The following KLB variants were observed in gnomAD, a reference collection of about 807,000 sequenced individuals.
KLB encodes beta-klotho.
Under a neutral mutation model 88.4 loss-of-function variants are expected in KLB, and 44 were observed. That is an observed-to-expected ratio of 0.50 (90% CI 0.39 to 0.64). KLB has a LOEUF of 0.64. KLB is among the 30% of genes least tolerant of loss of function. KLB has a pLI of 0.00. For synonymous variants in KLB, 548 were observed against 513.4 expected (o/e 1.07, Z -0.91); for missense variants, 1,137 against 1,304.8 (o/e 0.87, Z 1.98).
chr4:39,422,459 C>T (rs1356423908), intron 1 of KLB, among the ~76,000 whole-genome samples: 1 of 152,142 alleles, frequency 6.6e-6, no homozygotes, highest in African/African-American at 2.4e-5. Context: ...CCTCTCCACC[C>T]CCTGGTTTCC....
chr4:39,444,664 C>G (rs1033750253), intron 3 of KLB, among the ~76,000 whole-genome samples: 13 of 152,190 alleles, frequency 8.5e-5, no homozygotes, highest in African/African-American at 3.1e-4. Flanking sequence ...TTGATCTTGC[C>G]TTGCCCCATA....
At chr4:39,423,616 T>TG in intron 1 of KLB, among the ~76,000 whole-genome samples, 1 of 151,812 alleles carries the variant, frequency 6.6e-6, no homozygotes. Context: ...AGACTTGTCT[T>TG]GCAGAAGCTG....
chr4:39,448,553 G>A lies in KLB; in HGVS notation c.3002G>A (p.Gly1001Asp), dbSNP rs774516529. ...LVQKKPLIFLGCCFFSTLVLL... is the reference protein window; with the variant it reads ...LVQKKPLIFLDCCFFSTLVLL... ...CAGAAGAAACCACTGATATTCCTGG[G>A]TTGTTGCTTCTTCTCCACCCTGGTT... The change falls in exon 5 of 5, where the codon GGT becomes GAT. Residue 1001 changes from glycine (G) to aspartate (D), a missense_variant. Physicochemically the swap from Gly to Asp is moderately conservative, Grantham distance 94. This residue lies in a region of KLB where 426 missense variants were observed against 404.6 expected (regional missense o/e 1.05). Coordinates refer to ENST00000257408, the MANE Select transcript of KLB (RefSeq NM_175737.4). 11 of 1,614,086 alleles carry A rather than the reference G, an allele frequency of 6.8e-6. No homozygotes were observed. Among genetic ancestry groups the A allele is most frequent in the Non-Finnish European group, 8.5e-6 (10 of 1,180,050 alleles).
intron 1 of KLB, among the ~76,000 whole-genome samples, chr4:39,416,680 G>A (rs1742970649): frequency 7.6e-6 from 1 of 131,708 alleles, no homozygotes; most frequent in African/African-American, 2.4e-5. Flanking sequence ...CCGCTACTGG[G>A]GAGGCTGAGG....
At chr4:39,408,587 A>G (rs1742776104) in intron 1 of KLB, among the ~76,000 whole-genome samples, 1 of 152,168 alleles carries the variant, frequency 6.6e-6, no homozygotes, top group African/African-American at 2.4e-5. Flanking sequence ...TATTCTTCCC[A>G]TTTAAAAGAT....
intron 1 of KLB, among the ~76,000 whole-genome samples, chr4:39,432,103 A>G (rs1032559065): frequency 6.6e-6 from 1 of 152,196 alleles, no homozygotes; most frequent in Non-Finnish European, 1.5e-5. Context: ...CCTGGCCAAC[A>G]TGGTGGAGCC....
At chr4:39,441,299 G>C (rs1244035893) in intron 3 of KLB, among the ~76,000 whole-genome samples, 1 of 152,162 alleles carries the variant, frequency 6.6e-6, no homozygotes, top group African/African-American at 2.4e-5. Context: ...ACATGGCAGA[G>C]GCAGAAGAGT....
chr4:39,414,818 A>G (rs748576683), intron 1 of KLB, among the ~76,000 whole-genome samples: 193 of 150,146 alleles, frequency 1.3e-3, no homozygotes, highest in Middle Eastern at 3.4e-3. Context: ...GCAGTGAGCC[A>G]AGATCATGCC....
rs201778716 is a variant in KLB at position 39,445,691 on chromosome 4, T to TG, written c.1606-641_1606-640insG. On this transcript the variant is annotated intron_variant, in intron 3 of 4. Coordinates refer to ENST00000257408, the MANE Select transcript of KLB (RefSeq NM_175737.4). ...GGCTAATCTTGTTTTTTTGTTTTTTTTTTTTTTTTTAGTAGAGACGGTGTT... is the reference window on the plus strand; with the variant it reads ...GGCTAATCTTGTTTTTTTGTTTTTTTGTTTTTTTTTTAGTAGAGACGGTGTT... Among the ~76,000 whole-genome samples, 1,086 of 150,852 alleles carry TG rather than the reference T, an allele frequency of 7.2e-3. 15 individuals are homozygous for TG. Among genetic ancestry groups the TG allele is most frequent in the African/African-American group, 0.025 (1,020 of 41,156 alleles).
At chr4:39,409,552 G>A (rs1742795956) in intron 1 of KLB, among the ~76,000 whole-genome samples, 1 of 150,994 alleles carries the variant, frequency 6.6e-6, no homozygotes, top group Non-Finnish European at 1.5e-5. Flanking sequence ...GCCTCCCAAA[G>A]TGCTGGGATT....
At chr4:39,419,773 CAA>C (rs35079093) in intron 1 of KLB, among the ~76,000 whole-genome samples, 8 of 71,242 alleles carry the variant, frequency 1.1e-4, no homozygotes, top group African/African-American at 1.1e-4. Context: ...AATTCCATCT[CAA>C]AAAAAAAAAA....
chr4:39,441,432 T>C (rs1441365613), intron 3 of KLB, among the ~76,000 whole-genome samples: 1 of 152,092 alleles, frequency 6.6e-6, no homozygotes, highest in Non-Finnish European at 1.5e-5. Flanking sequence ...GATATAAGAG[T>C]TTCTTTGCCT....
intron 1 of KLB, among the ~76,000 whole-genome samples, chr4:39,416,813 C>A (rs1467611648): frequency 6.6e-6 from 1 of 151,968 alleles, no homozygotes; most frequent in Non-Finnish European, 1.5e-5. Context: ...CAAAAACAGC[C>A]GTGAAAATGC....
intron 1 of KLB, among the ~76,000 whole-genome samples, chr4:39,409,295 C>CT (rs59119086): frequency 0.038 from 5,363 of 140,414 alleles, 164 homozygotes; most frequent in Admixed American, 0.11. Flanking sequence ...TTTTAATTTT[C>CT]TTTTTTTTTT....
rs1169050402 is a variant in KLB, at chr4:39,448,386, C to A, written c.2835C>A (p.Phe945Leu). Residue 945 changes from phenylalanine to leucine, a missense_variant, in exon 5 of 5, where the codon TTC becomes TTA. Coordinates refer to ENST00000257408, the MANE Select transcript of KLB (RefSeq NM_175737.4). ...AATCTAAACCCAGATTTGGATTCTT[C>A]ACATCTGATTTTAAAGCTAAATCCT... ...EEKSKPRFGF[F>L]TSDFKAKSSI... 1.5e-5 allele frequency: 25 copies of A among 1,613,818 alleles called. No homozygotes were observed. The highest frequency in any genetic ancestry group is 2.0e-5 in the Non-Finnish European group (24 of 1,179,810).
intron 1 of KLB, among the ~76,000 whole-genome samples, chr4:39,410,500 G>A (rs1200831132): frequency 7.2e-5 from 11 of 152,176 alleles, no homozygotes. Flanking sequence ...CAGTCAGAAA[G>A]TGAAATACAC....
rs375911183 is a variant in KLB at position 39,423,484 on chromosome 4, C to T, written c.826-10726C>T. Among the ~76,000 whole-genome samples, 16 of 151,792 alleles carry T rather than the reference C, an allele frequency of 1.1e-4. No homozygotes were observed. The East Asian group carries it at 3.1e-3, about 29-fold the overall frequency. Reference sequence around the variant, plus strand: ...AAACAATATGTCAAATGGTCTTTCCCGAATAGCTTCAAAATTTAGAACTGG... The same window carrying T: ...AAACAATATGTCAAATGGTCTTTCCTGAATAGCTTCAAAATTTAGAACTGG... On this transcript the variant is annotated intron_variant, in intron 1 of 4. Transcript: ENST00000257408.
intron 1 of KLB, among the ~76,000 whole-genome samples, chr4:39,410,167 A>G (rs1282023831): frequency 6.6e-6 from 1 of 152,244 alleles, no homozygotes; most frequent in Non-Finnish European, 1.5e-5. Flanking sequence ...AATGTCAACA[A>G]TTAGAGTTTT....
intron 1 of KLB, among the ~76,000 whole-genome samples, chr4:39,419,650 C>A (rs1743035562): frequency 6.6e-6 from 1 of 151,554 alleles, no homozygotes; most frequent in Non-Finnish European, 1.5e-5. Flanking sequence ...GTGGCGTGTG[C>A]CTGTAATCCC....
Sources: allele counts gnomAD v4.1 joint callset (sites outside exome capture counted in the v4.1 genomes callset), GRCh38; gene constraint gnomAD v4.1.1; regional missense constraint gnomAD v4.1.1; transcripts MANE v1.5; gene names NCBI Gene and HGNC (gene_info 2026-07-23, HGNC 2026-07-21).